Variants in FHIT observed in about 807,000 individuals in gnomAD.
FHIT encodes the protein fragile histidine triad diadenosine triphosphatase.
Under a neutral mutation model 17.9 loss-of-function variants are expected in FHIT, and 19 were observed. That is an observed-to-expected ratio of 1.06 (90% CI 0.74 to 1.56). The LOEUF (loss-of-function observed/expected upper bound fraction) is 1.56. Ranked by LOEUF, FHIT falls within the 40% of genes most tolerant of loss-of-function variation. The pLI is 0.00. For synonymous variants in FHIT, 81 were observed against 69.7 expected (o/e 1.16, Z -0.81); for missense variants, 248 against 189.2 (o/e 1.31, Z -1.82).
chr3:59,859,589 T>C (rs925849928), intron 8 of FHIT, among the ~76,000 whole-genome samples: 1 of 152,010 alleles, frequency 6.6e-6, no homozygotes, highest in Non-Finnish European at 1.5e-5. Flanking sequence ...CATGGAGGTG[T>C]GTGCCTGTAA....
chr3:59,923,399 T>C (rs750633580), intron 7 of FHIT, among the ~76,000 whole-genome samples: 2 of 152,166 alleles, frequency 1.3e-5, no homozygotes, highest in Non-Finnish European at 2.9e-5. Context: ...GCACATGCAC[T>C]GATTCTGCGA....
chr3:59,948,802 T>A (rs1019464416), intron 7 of FHIT, among the ~76,000 whole-genome samples: 1 of 152,202 alleles, frequency 6.6e-6, no homozygotes, highest in African/African-American at 2.4e-5. Flanking sequence ...TTTTGTCCAC[T>A]CTACTTGTAT....
At chr3:60,167,998 T>A (rs1326591486) in intron 5 of FHIT, among the ~76,000 whole-genome samples, 1 of 152,200 alleles carries the variant, frequency 6.6e-6, no homozygotes, top group Non-Finnish European at 1.5e-5. Context: ...CACTCCAGCC[T>A]GGGTAAGAGA....
chr3:60,193,051 G>A (rs1018970290), intron 5 of FHIT, among the ~76,000 whole-genome samples: 2 of 152,160 alleles, frequency 1.3e-5, no homozygotes, highest in Non-Finnish European at 2.9e-5. Flanking sequence ...AGGTAGAATT[G>A]TAAACACCAG....
intron 5 of FHIT, among the ~76,000 whole-genome samples, chr3:60,313,519 T>C (rs1247502303): frequency 6.6e-6 from 1 of 152,176 alleles, no homozygotes; most frequent in Non-Finnish European, 1.5e-5. Flanking sequence ...GTATATTTAG[T>C]TCAAACCCTG....
chr3:59,794,297 A>C (rs934983359), intron 8 of FHIT, among the ~76,000 whole-genome samples: 10 of 152,212 alleles, frequency 6.6e-5, no homozygotes, highest in African/African-American at 2.2e-4. Flanking sequence ...CTCCTTCTGA[A>C]ATGGCACCAA....
intron 5 of FHIT, among the ~76,000 whole-genome samples, chr3:60,195,814 G>A (rs960879781): frequency 2.1e-5 from 3 of 144,552 alleles, no homozygotes; most frequent in African/African-American, 7.6e-5. Flanking sequence ...ATACACAGAG[G>A]AGCTAAGCTA....
At chr3:61,103,536 T>C (rs564433697) in intron 2 of FHIT, among the ~76,000 whole-genome samples, 1 of 152,182 alleles carries the variant, frequency 6.6e-6, no homozygotes, top group Non-Finnish European at 1.5e-5. Flanking sequence ...TTCTGTTGAT[T>C]TGGAGTGGAG....
chr3:60,841,495 G>A (rs557524917), intron 3 of FHIT, among the ~76,000 whole-genome samples: 3 of 152,182 alleles, frequency 2.0e-5, no homozygotes, highest in Non-Finnish European at 2.9e-5. Flanking sequence ...TTTATCATGA[G>A]CAATCCTTTG....
chr3:60,269,741 C>T lies in FHIT; in HGVS notation c.104-255589G>A, dbSNP rs187513933. 1.0e-3 allele frequency among the ~76,000 whole-genome samples: 159 copies of T among 152,278 alleles called. 8 individuals are homozygous for T. The highest frequency in any genetic ancestry group is 1.3e-3 in the Admixed American group (20 of 15,304). On this transcript the variant is annotated intron_variant, in intron 5 of 9. Coordinates refer to ENST00000492590, the MANE Select transcript of FHIT (RefSeq NM_002012.4). ...AGGGTCATTTTCTTCAAGAAGCTCACAGTCTAGTGAAGCAGATAGAAATGT... is the reference window on the plus strand; with the variant it reads ...AGGGTCATTTTCTTCAAGAAGCTCATAGTCTAGTGAAGCAGATAGAAATGT...
At chr3:60,204,443 G>GT (rs200758505) in intron 5 of FHIT, among the ~76,000 whole-genome samples, 7 of 14,190 alleles carry the variant, frequency 4.9e-4, no homozygotes, top group East Asian at 0.03. Flanking sequence ...CTAATATTCT[G>GT]GTTTTTTTTT....
intron 4 of FHIT, among the ~76,000 whole-genome samples, chr3:60,595,959 G>A (rs782641534): frequency 6.6e-6 from 1 of 151,960 alleles, no homozygotes. Context: ...ACAGTCTATA[G>A]TTAACATCCA....
chr3:59,999,366 G>C (rs1382746845), intron 7 of FHIT, among the ~76,000 whole-genome samples: 1 of 152,098 alleles, frequency 6.6e-6, no homozygotes, highest in South Asian at 2.1e-4. Context: ...GTGTGGTCAC[G>C]CACTAGAGGG....
intron 4 of FHIT, among the ~76,000 whole-genome samples, chr3:60,583,130 A>T (rs1553660310): frequency 6.6e-6 from 1 of 151,980 alleles, no homozygotes; most frequent in Non-Finnish European, 1.5e-5. Flanking sequence ...AATGAAAGAA[A>T]CTGAAAGGAG....
At position 60,827,045 on chromosome 3, in the gene FHIT, A is replaced by G. The variant is rs188481989; in HGVS notation, c.-110-5034T>C. ...TAAAAAAAAAAGAGTTTGCTTTAGG[A>G]TAATTCATTTTTGCTGCTAATAACT... On this transcript the variant is annotated intron_variant, in intron 3 of 9. Coordinates refer to ENST00000492590, the MANE Select transcript of FHIT (RefSeq NM_002012.4). Among the ~76,000 whole-genome samples, 424 of 152,258 alleles carry G rather than the reference A, an allele frequency of 2.8e-3. 10 individuals carry two copies. Among genetic ancestry groups the G allele is most frequent in the Non-Finnish European group, 7.2e-4 (49 of 68,020 alleles).
chr3:60,518,352 G>A (rs2035235951), intron 5 of FHIT, among the ~76,000 whole-genome samples: 1 of 152,058 alleles, frequency 6.6e-6, no homozygotes, highest in African/African-American at 2.4e-5. Flanking sequence ...TATTGATAAA[G>A]GTAATGTATA....
chr3:59,941,729 C>G lies in FHIT; in HGVS notation c.280-19315G>C, dbSNP rs140266293. On this transcript the variant is annotated intron_variant, in intron 7 of 9. Coordinates refer to ENST00000492590, the MANE Select transcript of FHIT (RefSeq NM_002012.4). ...AGAGAGATGCACATTTCTGCAAGGG[C>G]GTCAAGGGACCCAGGAGAGGAAGGT... Among the ~76,000 whole-genome samples, 408 of 152,136 alleles carry G rather than the reference C, an allele frequency of 2.7e-3. 1 individual carries two copies. The highest frequency in any genetic ancestry group is 8.9e-3 in the South Asian group (43 of 4,816).
intron 4 of FHIT, among the ~76,000 whole-genome samples, chr3:60,622,944 G>T (rs1426520007): frequency 6.6e-6 from 1 of 152,184 alleles, no homozygotes; most frequent in Non-Finnish European, 1.5e-5. Flanking sequence ...AGATAATTCA[G>T]ACGGTACACA....
At chr3:60,005,565 G>T (rs573176629) in intron 7 of FHIT, among the ~76,000 whole-genome samples, 1 of 152,240 alleles carries the variant, frequency 6.6e-6, no homozygotes, top group African/African-American at 2.4e-5. Context: ...CCATCCCCCT[G>T]AGCACTGCAG....
Sources: gnomAD v4.1 joint callset for allele counts (sites outside exome capture counted in the v4.1 genomes callset) on GRCh38, gnomAD v4.1.1 for gene constraint, MANE v1.5 for transcripts, NCBI Gene and HGNC (gene_info 2026-07-23, HGNC 2026-07-21) for gene names.